Variants in SH3RF3 observed in about 807,000 individuals in gnomAD.
SH3RF3 encodes E3 ubiquitin-protein ligase SH3RF3.
Under a neutral mutation model 66.3 loss-of-function variants are expected in SH3RF3, and 29 were observed. The ratio of observed to expected loss-of-function variants is 0.44; its 90% confidence interval spans 0.33 to 0.60. The LOEUF (loss-of-function observed/expected upper bound fraction) is 0.60. Ranked by LOEUF, SH3RF3 falls within the 20% of genes least tolerant of loss-of-function variation. The probability of loss-of-function intolerance (pLI) is 0.04; values close to 1 mark genes in which losing one functional copy is unlikely to be tolerated. For missense variants in SH3RF3, 1,194 were observed against 1,190.9 expected (o/e 1.00, Z -0.04); for synonymous variants, 583 against 532.0 (o/e 1.10, Z -1.32).
At chr2:109,326,798 G>A (rs977235270) in intron 1 of SH3RF3, among the ~76,000 whole-genome samples, 1 of 152,192 alleles carries the variant, frequency 6.6e-6, no homozygotes, top group African/African-American at 2.4e-5. Flanking sequence ...CAATAAAGTA[G>A]GTTTTCTTAG....
intron 1 of SH3RF3, among the ~76,000 whole-genome samples, chr2:109,288,969 G>A (rs1032438094): frequency 7.2e-5 from 11 of 152,154 alleles, no homozygotes; most frequent in African/African-American, 2.7e-4. Context: ...TTATTTGTGG[G>A]CTTATCAAGG....
intron 1 of SH3RF3, among the ~76,000 whole-genome samples, chr2:109,333,645 G>A (rs1341770088): frequency 6.6e-6 from 1 of 152,146 alleles, no homozygotes; most frequent in Non-Finnish European, 1.5e-5. Flanking sequence ...AAGCCACCTT[G>A]CTCCACTAGA....
At chr2:109,499,035 G>C (rs1270307314) in intron 9 of SH3RF3, among the ~76,000 whole-genome samples, 64 of 152,164 alleles carry the variant, frequency 4.2e-4, no homozygotes, top group Non-Finnish European at 1.5e-5. Flanking sequence ...AGAGGGATGG[G>C]GACTGCTGGA....
intron 3 of SH3RF3, among the ~76,000 whole-genome samples, chr2:109,374,332 G>C (rs1056087928): frequency 1.3e-5 from 2 of 152,148 alleles, no homozygotes; most frequent in African/African-American, 4.8e-5. Flanking sequence ...CCTCAGCTCT[G>C]ATACAGGCTC....
At chr2:109,375,323 C>G (rs1026881346) in intron 3 of SH3RF3, among the ~76,000 whole-genome samples, 1 of 152,224 alleles carries the variant, frequency 6.6e-6, no homozygotes, top group African/African-American at 2.4e-5. Context: ...AACTCTCCTG[C>G]GGCCGTCCCC....
intron 4 of SH3RF3, among the ~76,000 whole-genome samples, chr2:109,408,653 T>G (rs950278398): frequency 6.6e-6 from 1 of 152,214 alleles, no homozygotes; most frequent in Non-Finnish European, 1.5e-5. Flanking sequence ...ACTGGCACTC[T>G]CAGACAGAAG....
rs900556474 is a variant in SH3RF3, at chr2:109,455,701, C to T, written c.2148+6212C>T. ...AAATGTATTTCCTCTCGAGTGGAGGCACCCTGCAATAGGTAGACCCTTACT... is the reference window on the plus strand; with the variant it reads ...AAATGTATTTCCTCTCGAGTGGAGGTACCCTGCAATAGGTAGACCCTTACT... On this transcript the variant is annotated intron_variant, in intron 8 of 9. Transcript: ENST00000309415. Among the ~76,000 whole-genome samples the T allele has an allele frequency of 2.0e-5, 3 of 152,310 alleles. No individual in the cohort carries two copies. In the East Asian group the frequency reaches 5.8e-4, roughly 29 times the overall value.
chr2:109,295,592 A>G (rs1479620979), intron 1 of SH3RF3, among the ~76,000 whole-genome samples: 1 of 152,174 alleles, frequency 6.6e-6, no homozygotes, highest in Non-Finnish European at 1.5e-5. Context: ...GATCCCAGCC[A>G]CATGCTTGTA....
chr2:109,246,920 C>G (rs1372528537), intron 1 of SH3RF3, among the ~76,000 whole-genome samples: 1 of 152,188 alleles, frequency 6.6e-6, no homozygotes, highest in Non-Finnish European at 1.5e-5. Context: ...GGGCTCCAGG[C>G]CAATGCTGCA....
At chr2:109,134,853 CAG>C (rs1387835897) in intron 1 of SH3RF3, among the ~76,000 whole-genome samples, 1 of 152,190 alleles carries the variant, frequency 6.6e-6, no homozygotes, top group Non-Finnish European at 1.5e-5. Context: ...ACAGAGTGCA[CAG>C]AGCAGTGTGG....
intron 2 of SH3RF3, among the ~76,000 whole-genome samples, chr2:109,350,550 C>T (rs995843224): frequency 3.3e-5 from 5 of 152,210 alleles, no homozygotes; most frequent in Admixed American, 1.3e-4. Flanking sequence ...AGATTGGCCA[C>T]CCCTGCTACC....
chr2:109,266,264 G>A (rs529587101), intron 1 of SH3RF3, among the ~76,000 whole-genome samples: 17 of 151,350 alleles, frequency 1.1e-4, no homozygotes, highest in African/African-American at 2.7e-4. Context: ...TGTGTTGTGC[G>A]TGCATGTGTT....
At chr2:109,149,260 T>C (rs776312663) in intron 1 of SH3RF3, among the ~76,000 whole-genome samples, 2 of 152,190 alleles carry the variant, frequency 1.3e-5, no homozygotes, top group African/African-American at 2.4e-5. Context: ...GAATGTTCTA[T>C]GGCCCCCCGG....
intron 5 of SH3RF3, among the ~76,000 whole-genome samples, chr2:109,429,725 C>T (rs867970909): frequency 4.6e-5 from 7 of 152,332 alleles, no homozygotes; most frequent in Middle Eastern, 3.4e-3. Flanking sequence ...GACAGAAGCT[C>T]CATCCCCTCG....
At chr2:109,431,870 C>CAA (rs34815374) in intron 5 of SH3RF3, among the ~76,000 whole-genome samples, 2 of 142,902 alleles carry the variant, frequency 1.4e-5, no homozygotes, top group African/African-American at 5.1e-5. Flanking sequence ...GATGCTGTTT[C>CAA]AAAAAAAAAA....
At chr2:109,322,226 C>T (rs1682043119) in intron 1 of SH3RF3, among the ~76,000 whole-genome samples, 1 of 152,228 alleles carries the variant, frequency 6.6e-6, no homozygotes, top group African/African-American at 2.4e-5. Context: ...AATCACCACT[C>T]CTTCTCCCTT....
chr2:109,180,100 T>G (rs747736414), intron 1 of SH3RF3, among the ~76,000 whole-genome samples: 6 of 151,964 alleles, frequency 3.9e-5, no homozygotes, highest in Non-Finnish European at 8.8e-5. Flanking sequence ...CTCCATGGGG[T>G]TAGGAACCAC....
At chr2:109,189,695 A>G (rs1456824187) in intron 1 of SH3RF3, among the ~76,000 whole-genome samples, 1 of 152,130 alleles carries the variant, frequency 6.6e-6, no homozygotes, top group Non-Finnish European at 1.5e-5. Flanking sequence ...GTAATAATCA[A>G]AGTTGAATGT....
chr2:109,465,777 G>C (rs1421753657), intron 8 of SH3RF3, among the ~76,000 whole-genome samples: 1 of 152,188 alleles, frequency 6.6e-6, no homozygotes, highest in Admixed American at 6.5e-5. Flanking sequence ...GCAGGAGCAG[G>C]AGCAAGAGGG....
Sources: gnomAD v4.1 joint callset for allele counts (sites outside exome capture counted in the v4.1 genomes callset) on GRCh38, gnomAD v4.1.1 for gene constraint, MANE v1.5 for transcripts, NCBI Gene and HGNC (gene_info 2026-07-23, HGNC 2026-07-21) for gene names.